Variants in CHKA observed in about 807,000 individuals in gnomAD.
CHKA encodes the protein CHETK-alpha.
Under a neutral mutation model 60.1 loss-of-function variants are expected in CHKA, and 34 were observed. The ratio of observed to expected loss-of-function variants is 0.57; its 90% CI spans 0.43 to 0.75. The LOEUF is 0.75. Among genes scored for constraint, CHKA ranks in the 30% least tolerant of loss-of-function variants. The probability of loss-of-function intolerance (pLI) is 0.00; values close to 1 mark genes in which losing one functional copy is unlikely to be tolerated. For missense variants in CHKA, 563 were observed against 561.3 expected, an observed-to-expected ratio of 1.00 and a Z score of -0.03; for synonymous variants, 217 against 223.1, an observed-to-expected ratio of 0.97 and a Z score of 0.24.
At chr11:68,072,001 C>T (rs1310896171) in intron 4 of CHKA, among the ~76,000 whole-genome samples, 1 of 152,212 alleles carries the variant, frequency 6.6e-6, no homozygotes, top group Non-Finnish European at 1.5e-5. Context: ...CCTCCACTTC[C>T]AGCAGCAGGA....
Position 68,054,065 on chromosome 11 carries a change from G to GT in CHKA, c.1315-19_1315-18insA, listed in dbSNP as rs757813958. On this transcript the variant is annotated intron_variant, in intron 11 of 11. Coordinates refer to ENST00000265689, the MANE Select transcript of CHKA (RefSeq NM_001277.3). ...GCGTAGTCCTAGGAGACAGCAAAGA[G>GT]AAGGCCTCAGCAAGGAATCCTGCTG... 1 of 1,608,062 alleles carries GT rather than the reference G, an allele frequency of 6.2e-7. No individual in the cohort carries two copies. Among genetic ancestry groups the GT allele is most frequent in the Non-Finnish European group, 8.5e-7 (1 of 1,176,012 alleles).
intron 2 of CHKA, among the ~76,000 whole-genome samples, chr11:68,087,918 G>T (rs1857232048): frequency 6.6e-6 from 1 of 151,952 alleles, no homozygotes; most frequent in South Asian, 2.1e-4. Flanking sequence ...TTTGAGACCA[G>T]CCTGACCAAC....
In CHKA at chr11:68,121,170, GT is replaced by G; in HGVS notation, c.7del (p.Thr3ProfsTer18). On this transcript the variant is annotated frameshift_variant, in exon 1 of 12. Coordinates refer to ENST00000265689, the MANE Select transcript of CHKA (RefSeq NM_001277.3). LOFTEE classifies it high-confidence loss of function. MK[T>X]KFCTGGEAEP... ...CGCCTCGCCCCCGGTGCAGAATTTG[GT>G]TTTCATGCCCGACAGGCGGCCGAGG... The G allele has an allele frequency of 1.7e-6, 2 of 1,202,036 alleles. No homozygotes were observed. Among genetic ancestry groups the G allele is most frequent in the Non-Finnish European group, 1.0e-6 (1 of 960,044 alleles). 74.5% of individuals were successfully genotyped at this position (1,202,036 alleles called of 1,614,324 possible). A position where few individuals can be genotyped will look rare whatever the true frequency, so the allele number is the denominator to read the frequency against.
intron 2 of CHKA, among the ~76,000 whole-genome samples, chr11:68,085,990 C>G (rs1857166295): frequency 6.6e-6 from 1 of 152,072 alleles, no homozygotes; most frequent in Non-Finnish European, 1.5e-5. Context: ...TTACAGAGCA[C>G]AGGTTTTCAA....
At chr11:68,095,061 C>T (rs1857454777) in intron 2 of CHKA, among the ~76,000 whole-genome samples, 1 of 152,054 alleles carries the variant, frequency 6.6e-6, no homozygotes, top group African/African-American at 2.4e-5. Context: ...TTGAAAACTA[C>T]TCTGCTCTAT....
In CHKA at chr11:68,070,822, T is replaced by C. The variant is rs149289548; in HGVS notation, c.666A>G (p.Pro222=). The part of the protein sequence containing the change: ...RRLDTEELSL[P]DISAEIAEKM... ...TCTCGGCGATTTCTGCAGAAATATC[T>C]GGCAAACTTAATTCTTCAGTATCTA... is the stretch of plus-strand genomic sequence containing the variant. The change falls in exon 5 of 12, where the codon CCA becomes CCG. Residue 222 remains proline (P), a synonymous_variant. Transcript: ENST00000265689. 1.9e-5 allele frequency: 30 copies of C among 1,612,882 alleles called. No homozygotes were observed. The highest frequency in any genetic ancestry group is 2.5e-5 in the Non-Finnish European group (30 of 1,179,038).
At chr11:68,070,582 G>T in intron 5 of CHKA, 142 bp downstream of exon 5, 1 of 871,426 alleles carries the variant, frequency 1.1e-6, no homozygotes, top group Non-Finnish European at 1.8e-6. Flanking sequence ...TTACTTATGA[G>T]ACAAGTATCA....
rs563623353 is a variant in CHKA, at chr11:68,076,427, C to T, written c.517-1597G>A. Reference sequence around the variant, plus strand: ...GTCCAGAGATGCAGTCCCCATCTTACTCCAAGCCCAACATCACAGAAAGTA... The same window carrying T: ...GTCCAGAGATGCAGTCCCCATCTTATTCCAAGCCCAACATCACAGAAAGTA... On this transcript the variant is annotated intron_variant, in intron 3 of 11. Coordinates refer to ENST00000265689, the MANE Select transcript of CHKA (RefSeq NM_001277.3). 7.2e-5 allele frequency among the ~76,000 whole-genome samples: 11 copies of T among 152,244 alleles called. No individual in the cohort carries two copies. In the East Asian group the frequency reaches 2.1e-3, roughly 29 times the overall value.
chr11:68,097,168 A>G, intron 1 of CHKA, 38 bp from the exon 2 acceptor site: 1 of 1,499,658 alleles, frequency 6.7e-7, no homozygotes, highest in Non-Finnish European at 9.3e-7. Context: ...TCTTTATTGC[A>G]GGTGAGCTAA....
chr11:68,081,344 C>T (rs919521616), intron 3 of CHKA, 60 bp downstream of exon 3: 15 of 1,408,904 alleles, frequency 1.1e-5, no homozygotes, highest in Admixed American at 3.4e-5. Context: ...CCTGGAGTAG[C>T]GAAGGGTGGC....
rs189796363 is a variant in CHKA, at chr11:68,061,537, T to C, written c.1314+416A>G. On this transcript the variant is annotated intron_variant, in intron 11 of 11. Transcript: ENST00000265689. ...GGGCACTACAGGCTGGAGAATGAAGTGGTAACCGATAAATAAAACCTTCCA... is the reference window on the plus strand; with the variant it reads ...GGGCACTACAGGCTGGAGAATGAAGCGGTAACCGATAAATAAAACCTTCCA... 579 of 296,762 alleles carry C rather than the reference T, an allele frequency of 2.0e-3. 5 individuals carry two copies. The highest frequency in any genetic ancestry group is 0.012 in the African/African-American group (559 of 46,090). The allele number at this position is 296,762 out of a possible 1,614,324, so 18.4% of individuals were successfully genotyped here.
At chr11:68,102,456 A>G (rs1249722620) in intron 1 of CHKA, among the ~76,000 whole-genome samples, 1 of 152,220 alleles carries the variant, frequency 6.6e-6, no homozygotes, top group Non-Finnish European at 1.5e-5. Flanking sequence ...AGGGAAAAAG[A>G]CAGTCTCTTC....
At chr11:68,073,604 C>T (rs1856692396) in intron 4 of CHKA, among the ~76,000 whole-genome samples, 1 of 152,186 alleles carries the variant, frequency 6.6e-6, no homozygotes, top group African/African-American at 2.4e-5. Flanking sequence ...AACACTAGCA[C>T]AGACGGACAG....
chr11:68,088,037 TGA>T (rs1245021207), intron 2 of CHKA, among the ~76,000 whole-genome samples: 2 of 138,458 alleles, frequency 1.4e-5, no homozygotes, highest in Non-Finnish European at 3.0e-5. Flanking sequence ...CGCTTGAACC[TGA>T]GAGGCAGAGG....
chr11:68,061,658 A>T, intron 11 of CHKA: 1 of 496,046 alleles, frequency 2.0e-6, no homozygotes, highest in South Asian at 1.6e-5. Flanking sequence ...AGATGCCTAC[A>T]TTCCCCATCA....
At chr11:68,082,202 A>G (rs1395957871) in intron 2 of CHKA, 1 of 151,858 alleles carries the variant, frequency 6.6e-6, no homozygotes, top group African/African-American at 2.4e-5. Flanking sequence ...ACCATAAACA[A>G]CCCTTGGGCT....
intron 11 of CHKA, among the ~76,000 whole-genome samples, chr11:68,060,159 C>T (rs1856178791): frequency 6.6e-6 from 1 of 151,686 alleles, no homozygotes; most frequent in Non-Finnish European, 1.5e-5. Flanking sequence ...CCCGAGTTAG[C>T]TGGGACTACA....
At chr11:68,069,082 C>A (rs1172327241) in intron 6 of CHKA, 145 bp from the exon 7 acceptor site, 3 of 618,220 alleles carry the variant, frequency 4.9e-6, no homozygotes, top group Non-Finnish European at 8.8e-6. Context: ...ATTCTGACAA[C>A]TGCGTCATTA....
chr11:68,095,116 A>G (rs1016653589), intron 2 of CHKA, among the ~76,000 whole-genome samples: 1 of 152,098 alleles, frequency 6.6e-6, no homozygotes. Flanking sequence ...ATTAAAATGG[A>G]TATCAGGGCC....
Sources: gnomAD v4.1 joint callset for allele counts (sites outside exome capture counted in the v4.1 genomes callset) on GRCh38, gnomAD v4.1.1 for gene constraint, MANE v1.5 for transcripts, NCBI Gene and HGNC (gene_info 2026-07-23, HGNC 2026-07-21) for gene names.